Variants in MAD1L1 observed in about 807,000 individuals in gnomAD.
MAD1L1 encodes mitotic spindle assembly checkpoint protein MAD1.
Under a neutral mutation model 96.9 loss-of-function variants are expected in MAD1L1, and 95 were observed. That is an observed-to-expected ratio of 0.98 (90% CI 0.83 to 1.16). The LOEUF is 1.16. MAD1L1 is among the 50% of genes most tolerant of loss of function. The pLI is 0.00. For synonymous variants in MAD1L1, 473 were observed against 396.6 expected (o/e 1.19, Z -2.29); for missense variants, 1,007 against 954.4 (o/e 1.06, Z -0.73).
intron 18 of MAD1L1, among the ~76,000 whole-genome samples, chr7:1,860,744 A>G (rs752740829): frequency 5.9e-5 from 9 of 151,702 alleles, no homozygotes; most frequent in African/African-American, 9.7e-5. Context: ...CCGGGGCCTG[A>G]CCTCCGCTCA....
intron 15 of MAD1L1, among the ~76,000 whole-genome samples, chr7:1,976,612 A>C (rs1780652988): frequency 1.3e-5 from 2 of 152,238 alleles, no homozygotes; most frequent in Non-Finnish European, 2.9e-5. Flanking sequence ...AGGGGACCCC[A>C]GCGGGTTGCC....
At chr7:1,975,756 G>T (rs1473791270) in intron 15 of MAD1L1, among the ~76,000 whole-genome samples, 1 of 152,124 alleles carries the variant, frequency 6.6e-6, no homozygotes, top group Admixed American at 6.5e-5. Flanking sequence ...GGTGAGTGGG[G>T]TCATGGGTCA....
chr7:2,077,102 C>CATGGTGAGCCCGAGAT (rs368127622), intron 11 of MAD1L1, among the ~76,000 whole-genome samples: 2 of 138,494 alleles, frequency 1.4e-5, no homozygotes, highest in Non-Finnish European at 3.1e-5. Context: ...GAGCCCGCGG[C>CATGGTGAGCCCGAGAT]ATGGTGAGCC....
At chr7:1,999,435 C>T (rs1781693919) in intron 14 of MAD1L1, among the ~76,000 whole-genome samples, 1 of 152,164 alleles carries the variant, frequency 6.6e-6, no homozygotes, top group Admixed American at 6.5e-5. Flanking sequence ...CCTGGCAAAC[C>T]CGCCCTGGTA....
chr7:2,223,502 C>T (rs1303451763), intron 4 of MAD1L1: 1 of 152,270 alleles, frequency 6.6e-6, no homozygotes, highest in Non-Finnish European at 1.5e-5. Context: ...CCCTGCCTTC[C>T]TCGGGAAGCA....
At chr7:2,118,062 G>T (rs1787799090) in intron 11 of MAD1L1, among the ~76,000 whole-genome samples, 1 of 152,156 alleles carries the variant, frequency 6.6e-6, no homozygotes, top group Non-Finnish European at 1.5e-5. Flanking sequence ...AACTGCCCTA[G>T]GAGGCTCCAG....
At chr7:2,014,076 G>C (rs796139388) in intron 13 of MAD1L1, among the ~76,000 whole-genome samples, 1 of 152,158 alleles carries the variant, frequency 6.6e-6, no homozygotes, top group African/African-American at 2.4e-5. Flanking sequence ...CACCCTGCCC[G>C]TCAGGCCCCA....
At chr7:1,842,834 C>T (rs10950400) in intron 18 of MAD1L1, among the ~76,000 whole-genome samples, 42,235 of 152,226 alleles carry the variant, frequency 0.28, 6,914 homozygotes, top group East Asian at 0.44. Flanking sequence ...ACATGTCAGC[C>T]CCTCGCCCAG....
intron 17 of MAD1L1, among the ~76,000 whole-genome samples, chr7:1,933,498 G>A (rs1005133136): frequency 1.3e-5 from 2 of 152,176 alleles, no homozygotes; most frequent in African/African-American, 4.8e-5. Flanking sequence ...GTCTGTCCAG[G>A]GACCTTGCCA....
At chr7:1,981,057 C>T (rs373561122) in intron 14 of MAD1L1, among the ~76,000 whole-genome samples, 18 of 152,332 alleles carry the variant, frequency 1.2e-4, no homozygotes, top group African/African-American at 4.1e-4. Context: ...ACCTCCACCT[C>T]GCAGGTTCAA....
intron 12 of MAD1L1, among the ~76,000 whole-genome samples, chr7:2,015,473 T>C (rs1782494543): frequency 6.6e-6 from 1 of 152,210 alleles, no homozygotes; most frequent in African/African-American, 2.4e-5. Flanking sequence ...CCGGGAGCTG[T>C]GTGCTGCCTC....
chr7:2,102,615 G>A (rs906068758), intron 11 of MAD1L1, among the ~76,000 whole-genome samples: 2 of 149,672 alleles, frequency 1.3e-5, no homozygotes, highest in East Asian at 2.0e-4. Flanking sequence ...TGACACCACG[G>A]TCTCCACCAC....
chr7:2,063,573 G>A lies in MAD1L1; in HGVS notation c.1218+5621C>T, dbSNP rs529066684. On this transcript the variant is annotated intron_variant, in intron 12 of 18. Transcript: ENST00000265854. ...TGCTCCATGTCCCTTCCACCCACAC[G>A]TCCTATGGGAGCAAAAACATGCATC... 1.2e-4 allele frequency among the ~76,000 whole-genome samples: 18 copies of A among 152,292 alleles called. No individual in the cohort carries two copies. The South Asian group carries it at 2.7e-3, about 23-fold the overall frequency.
chr7:2,159,780 TAAGA>T (rs1294385187), intron 10 of MAD1L1, among the ~76,000 whole-genome samples: 1 of 152,130 alleles, frequency 6.6e-6, no homozygotes, highest in Non-Finnish European at 1.5e-5. Context: ...GGAACTTGTG[TAAGA>T]GGAAAAAAAC....
Position 1,917,225 on chromosome 7 carries a change from T to C in MAD1L1, c.1808-18835A>G, listed in dbSNP as rs555233762. Among the ~76,000 whole-genome samples the C allele has an allele frequency of 3.3e-5, 5 of 152,296 alleles. No homozygotes were observed. In the East Asian group the frequency reaches 7.7e-4, roughly 24 times the overall value. On this transcript the variant is annotated intron_variant, in intron 17 of 18. Coordinates refer to ENST00000265854, the MANE Select transcript of MAD1L1 (RefSeq NM_001013836.2). ...GGGGTCCAGCGAGGGAGCCGCGGCA[T>C]GGAGCCACCCGCCCTGCACTGCCAG...
intron 16 of MAD1L1, among the ~76,000 whole-genome samples, chr7:1,942,340 C>T (rs1779040103): frequency 6.6e-6 from 1 of 152,226 alleles, no homozygotes; most frequent in African/African-American, 2.4e-5. Context: ...CAGGACCGTG[C>T]CCCAAGGTGG....
chr7:2,199,923 G>C (rs1792193486), intron 10 of MAD1L1, among the ~76,000 whole-genome samples: 1 of 152,270 alleles, frequency 6.6e-6, no homozygotes, highest in South Asian at 2.1e-4. Flanking sequence ...GTGAAGCCTG[G>C]ATGAAAGGGA....
rs1297053558 is a variant in MAD1L1 at position 1,898,336 on chromosome 7, ACCT to A, written c.1859_1861del (p.Glu620del). 6.2e-7 allele frequency: 1 copy of A among 1,609,476 alleles called. No homozygotes were observed. The highest frequency in any genetic ancestry group is 1.4e-5 in the African/African-American group (1 of 73,310). On this transcript the variant is annotated inframe_deletion, in exon 18 of 19. Transcript: ENST00000265854. ...GAACTCCTGGATCTTGGTCTGGAAA[ACCT>A]CCTTGAGCCGCTGGTTCTTCAGCTC...
chr7:1,989,163 G>A (rs1781292711), intron 14 of MAD1L1, among the ~76,000 whole-genome samples: 1 of 152,236 alleles, frequency 6.6e-6, no homozygotes, highest in South Asian at 2.1e-4. Flanking sequence ...ACTGGCCTCA[G>A]GGTAACGCAA....
Sources: gnomAD v4.1 joint callset for allele counts (sites outside exome capture counted in the v4.1 genomes callset) on GRCh38, gnomAD v4.1.1 for gene constraint, MANE v1.5 for transcripts, NCBI Gene and HGNC (gene_info 2026-07-23, HGNC 2026-07-21) for gene names.